FER1L5: variants seen among roughly 807,000 people sequenced by gnomAD.
The protein encoded by FER1L5 is fer-1 like family member 5.
FER1L5 carries 187 observed loss-of-function variants against 279.9 expected under a neutral mutation model. That is an observed-to-expected ratio of 0.67 (90% CI 0.59 to 0.75). The LOEUF is 0.75. Among genes scored for constraint, FER1L5 ranks in the 30% least tolerant of loss-of-function variants. The pLI is 0.00. For synonymous variants in FER1L5, 921 were observed against 989.7 expected (o/e 0.93, Z 1.30); for missense variants, 2,091 against 2,594.4 (o/e 0.81, Z 4.21).
rs953964974 is a variant in FER1L5 at position 96,686,365 on chromosome 2, C to G, written c.2229+15C>G. ...TCTTCCTACAGGTGGGAATCAGGGA[C>G]TCCTCAGGGGAGGACAGGGCTGAGA... is the stretch of plus-strand genomic sequence containing the variant. On this transcript the variant is annotated intron_variant, in intron 23 of 52. Coordinates refer to ENST00000624922, the MANE Select transcript of FER1L5 (RefSeq NM_001293083.2). The G allele has an allele frequency of 1.2e-5, 18 of 1,548,372 alleles. No individual in the cohort carries two copies. The Middle Eastern group carries it at 5.1e-4, about 44-fold the overall frequency.
rs2106434525 is a variant in FER1L5, at chr2:96,649,505, G to A, written c.340-118G>A. Reference sequence around the variant, plus strand: ...ATGGTGTGGCCCCATCCCATGACTAGCATCACGGCCCCCACCAGGAGGACC... The same window carrying A: ...ATGGTGTGGCCCCATCCCATGACTAACATCACGGCCCCCACCAGGAGGACC... On this transcript the variant is annotated intron_variant, in intron 4 of 52. Transcript: ENST00000624922. The A allele has an allele frequency of 3.3e-6, 3 of 907,784 alleles. No individual in the cohort carries two copies. The South Asian group carries it at 4.7e-5, about 14-fold the overall frequency. The allele number at this position is 907,784 out of a possible 1,614,324, so 56.2% of individuals were successfully genotyped here. A position where few individuals can be genotyped will look rare whatever the true frequency, so the allele number is the denominator to read the frequency against.
chr2:96,694,465 G>A lies in FER1L5; in HGVS notation c.3741+1G>A. On this transcript the variant is annotated splice_donor_variant, in intron 34 of 52. Coordinates refer to ENST00000624922, the MANE Select transcript of FER1L5 (RefSeq NM_001293083.2). LOFTEE classifies it high-confidence loss of function. This position sits in a 1 kb window ranked among gnomAD's most constrained non-coding sequence, Gnocchi z 4.6. ...CACGATAAAGAGGATGGCCATTGAG[G>A]TGCTGGCGATGTGGGATGGGGACGG... 1 of 1,541,264 alleles carries A rather than the reference G, an allele frequency of 6.5e-7. No individual in the cohort carries two copies. The highest frequency in any genetic ancestry group is 8.8e-7 in the Non-Finnish European group (1 of 1,140,752).
Position 96,691,657 on chromosome 2 carries a change from C to G in FER1L5, c.3075+45C>G, listed in dbSNP as rs1400733209. The G allele has an allele frequency of 6.6e-7, 1 of 1,509,918 alleles. No homozygotes were observed. Among genetic ancestry groups the G allele is most frequent in the East Asian group, 2.5e-5 (1 of 40,584 alleles). 93.5% of individuals were successfully genotyped at this position (1,509,918 alleles called of 1,614,324 possible). A position where few individuals can be genotyped will look rare whatever the true frequency, so the allele number is the denominator to read the frequency against. ...GTGATGCCTGCCTGTAACCCCACCT[C>G]CCAGAGAAGCCAGGGCCTGGCCTGG... is the stretch of plus-strand genomic sequence containing the variant. On this transcript the variant is annotated intron_variant, in intron 29 of 52. Coordinates refer to ENST00000624922, the MANE Select transcript of FER1L5 (RefSeq NM_001293083.2). The surrounding 1 kb of genome is among the most constrained non-coding windows in gnomAD (Gnocchi z 6.0).
At chr2:96,662,421 C>T (rs532014957) in intron 13 of FER1L5, among the ~76,000 whole-genome samples, 154 bp downstream of exon 13, 2 of 152,204 alleles carry the variant, frequency 1.3e-5, no homozygotes, top group African/African-American at 4.8e-5. Context: ...TCTGTGCAGG[C>T]GGAGGCCACG....
At chr2:96,663,578 G>A (rs1261488958) in intron 14 of FER1L5, 71 bp downstream of exon 14, 3 of 1,518,248 alleles carry the variant, frequency 2.0e-6, no homozygotes, top group African/African-American at 1.4e-5. Flanking sequence ...GGATGATTGT[G>A]TGGGGGTGAA....
In FER1L5 at chr2:96,689,856, C is replaced by T; in HGVS notation, c.2640+98C>T. ...GGTCCCAGTGGAAAGGGTCTGAGCC[C>T]TATGCCCTGCACTATGTGTGGGGCC... On this transcript the variant is annotated intron_variant, in intron 26 of 52. Transcript: ENST00000624922. The surrounding 1 kb of genome is among the most constrained non-coding windows in gnomAD (Gnocchi z 4.6). 1 of 1,054,394 alleles carries T rather than the reference C, an allele frequency of 9.5e-7. No homozygotes were observed. The highest frequency in any genetic ancestry group is 1.4e-6 in the Non-Finnish European group (1 of 735,792). The allele number at this position is 1,054,394 out of a possible 1,614,324, so 65.3% of individuals were successfully genotyped here. A position where few individuals can be genotyped will look rare whatever the true frequency, so the allele number is the denominator to read the frequency against.
rs780562674 is a variant in FER1L5, at chr2:96,670,147, T to C, written c.1391T>C (p.Leu464Ser). The C allele has an allele frequency of 6.4e-7, 1 of 1,551,688 alleles. No homozygotes were observed. The highest frequency in any genetic ancestry group is 1.2e-5 in the South Asian group (1 of 84,056). The stretch of plus-strand genomic sequence containing the variant: ...ATTCCCGACTCTGTTAGGGATGGTT[T>C]AGCTTATCGAGGCCGAGTCTTCCTG... ...ACIPDSVRDG[L>S]AYRGRVFLEL... Residue 464 changes from leucine to serine, a missense_variant, in exon 18 of 53, where the codon TTA becomes TCA. Transcript: ENST00000624922.
At chr2:96,693,740 T>G (rs2077247521) in intron 32 of FER1L5, 53 bp downstream of exon 32, 1 of 1,517,890 alleles carries the variant, frequency 6.6e-7, no homozygotes, top group Admixed American at 2.1e-5. Context: ...ACAGAGTGGC[T>G]GAGGGGATTT....
intron 9 of FER1L5, among the ~76,000 whole-genome samples, chr2:96,659,392 T>TCCTTCCTTCCTTCCTTCCTTCCTTC (rs2075802192): frequency 1.2e-4 from 1 of 8,332 alleles, no homozygotes; most frequent in Non-Finnish European, 1.8e-4. Context: ...TTTCTTTCTT[T>TCCTTCCTTCCTTCCTTCCTTCCTTC]CTTTCTTTCT....
intron 21 of FER1L5, among the ~76,000 whole-genome samples, chr2:96,685,694 C>G (rs1386404493): frequency 6.6e-6 from 1 of 152,216 alleles, no homozygotes; most frequent in Non-Finnish European, 1.5e-5. Context: ...TCCAGACAAG[C>G]CCACATAGCC....
rs534101208 is a variant in FER1L5, at chr2:96,697,678, G to A, written c.4153G>A (p.Val1385Met). 6.2e-7 allele frequency: 1 copy of A among 1,614,062 alleles called. No individual in the cohort carries two copies. The highest frequency in any genetic ancestry group is 1.3e-5 in the African/African-American group (1 of 75,070). The change falls in exon 39 of 53, where the codon GTG becomes ATG. Residue 1385 changes from valine to methionine, a missense_variant. By Grantham distance (21) the Val-to-Met change is conservative (BLOSUM62 1). Coordinates refer to ENST00000624922, the MANE Select transcript of FER1L5 (RefSeq NM_001293083.2). Reference protein sequence around the residue: ...SKAEDEYEHEVDWWSKLFWAT... With the variant: ...SKAEDEYEHEMDWWSKLFWAT... Reference sequence around the variant, plus strand: ...CTGCCAGGATGAGTATGAGCATGAGGTGGACTGGTGGAGCAAGCTGTTCTG... The same window carrying A: ...CTGCCAGGATGAGTATGAGCATGAGATGGACTGGTGGAGCAAGCTGTTCTG...
In FER1L5 at chr2:96,702,354, G is replaced by A; in HGVS notation, c.5208G>A (p.Val1736=). The change falls in exon 47 of 53, where the codon GTG becomes GTA. Residue 1736 remains valine, a synonymous_variant. Transcript: ENST00000624922. The surrounding 1 kb of genome is among the most constrained non-coding windows in gnomAD (Gnocchi z 4.0). ...IIWKTANVDL[V]DDNLSREKTS... ...GGAAGACTGCCAATGTGGACCTGGT[G>A]GATGACAATTTAAGTAGAGAGAAGA... 1.2e-6 allele frequency: 2 copies of A among 1,613,212 alleles called. No homozygotes were observed. The highest frequency in any genetic ancestry group is 1.7e-6 in the Non-Finnish European group (2 of 1,179,666).
chr2:96,674,950 C>T (rs1368508028), intron 19 of FER1L5, among the ~76,000 whole-genome samples: 1 of 152,224 alleles, frequency 6.6e-6, no homozygotes, highest in African/African-American at 2.4e-5. Flanking sequence ...AACCATGACC[C>T]TGACTCTTGT....
intron 6 of FER1L5, among the ~76,000 whole-genome samples, chr2:96,651,249 T>G (rs1306606884): frequency 7.3e-5 from 7 of 95,808 alleles, no homozygotes; most frequent in African/African-American, 2.9e-4. Context: ...CTTTCTTTCT[T>G]TCTTTCTTTC....
Position 96,697,737 on chromosome 2 carries a change from G to A in FER1L5, c.4212G>A (p.Lys1404=), listed in dbSNP as rs909078232. 1.2e-5 allele frequency: 19 copies of A among 1,614,024 alleles called. No individual in the cohort carries two copies. The highest frequency in any genetic ancestry group is 1.5e-5 in the Non-Finnish European group (18 of 1,179,902). Residue 1404 remains lysine (K), a synonymous_variant, in exon 39 of 53, where the codon AAG becomes AAA. Coordinates refer to ENST00000624922, the MANE Select transcript of FER1L5 (RefSeq NM_001293083.2). ...ATGAGCACAAGTCCCTGAAGTACAA[G>A]TACAAAGACTACCACACCCTCAAGG... ...ATDEHKSLKY[K]YKDYHTLKVY...
chr2:96,658,141 C>T (rs865776732), intron 9 of FER1L5, among the ~76,000 whole-genome samples: 3 of 151,748 alleles, frequency 2.0e-5, no homozygotes, highest in Non-Finnish European at 4.4e-5. Flanking sequence ...CTCAGACTCC[C>T]GAGTAGCTGG....
intron 19 of FER1L5, among the ~76,000 whole-genome samples, chr2:96,674,895 A>G (rs1267515800): frequency 6.6e-6 from 1 of 152,170 alleles, no homozygotes; most frequent in Non-Finnish European, 1.5e-5. Context: ...AGCATCTTAG[A>G]AAGGGTCCCT....
At chr2:96,659,665 G>C (rs912978158) in intron 9 of FER1L5, among the ~76,000 whole-genome samples, 3 of 150,552 alleles carry the variant, frequency 2.0e-5, no homozygotes, top group Non-Finnish European at 2.9e-5. Flanking sequence ...CTAATTTTTT[G>C]TATTTTTAGT....
Position 96,648,017 on chromosome 2 carries a change from C to T in FER1L5, c.339+131C>T. 3 of 659,358 alleles carry T rather than the reference C, an allele frequency of 4.5e-6. No homozygotes were observed. In the South Asian group the frequency reaches 5.4e-5, roughly 12 times the overall value. The allele number at this position is 659,358 out of a possible 1,614,324, so 40.8% of individuals were successfully genotyped here. On this transcript the variant is annotated intron_variant, in intron 4 of 52. Coordinates refer to ENST00000624922, the MANE Select transcript of FER1L5 (RefSeq NM_001293083.2). ...CACTGCCTTCCTCTCCTGACCACCTCCCTTGCCATCATCTGCGCCCCCCTC... is the reference window on the plus strand; with the variant it reads ...CACTGCCTTCCTCTCCTGACCACCTTCCTTGCCATCATCTGCGCCCCCCTC...
Sources: allele counts gnomAD v4.1 joint callset (sites outside exome capture counted in the v4.1 genomes callset), GRCh38; gene constraint gnomAD v4.1.1; non-coding constraint Gnocchi (gnomAD v3.1); transcripts MANE v1.5; gene names NCBI Gene and HGNC (gene_info 2026-07-23, HGNC 2026-07-21).